The following SAMD5 variants were observed in gnomAD, a reference collection of about 807,000 sequenced individuals.
The protein encoded by SAMD5 is sterile alpha motif domain containing 5.
In SAMD5, 13 loss-of-function variants were observed where a neutral mutation model predicts 11.3. That is an observed-to-expected ratio of 1.15 (90% confidence interval 0.75 to 1.83). The LOEUF is 1.83. Among genes scored for constraint, SAMD5 ranks in the 40% most tolerant of loss-of-function variants. SAMD5 has a pLI of 0.00. For missense variants in SAMD5, 255 were observed against 239.1 expected, an observed-to-expected ratio of 1.07 and a Z score of -0.44; for synonymous variants, 129 against 111.3, an observed-to-expected ratio of 1.16 and a Z score of -1.00.
the SAMD5 span, among the ~76,000 whole-genome samples, chr6:147,786,262 A>T: frequency 6.6e-6 from 1 of 152,186 alleles, no homozygotes; most frequent in Non-Finnish European, 1.5e-5. Context: ...GTTTTGATGG[A>T]TTGCCTATGC....
the SAMD5 span, among the ~76,000 whole-genome samples, chr6:147,951,243 G>A: frequency 6.7e-6 from 1 of 150,262 alleles, no homozygotes; most frequent in Non-Finnish European, 1.5e-5. Context: ...GTGCAGTGGC[G>A]CGATCTCGGC....
At chr6:147,801,656 A>T in the SAMD5 span, among the ~76,000 whole-genome samples, 1 of 152,196 alleles carries the variant, frequency 6.6e-6, no homozygotes, top group Non-Finnish European at 1.5e-5. Flanking sequence ...TTAGAGAAGG[A>T]AAACTCCACA....
chr6:147,539,734 TTGAC>T (rs1207220075), intron 1 of SAMD5, among the ~76,000 whole-genome samples: 2 of 151,798 alleles, frequency 1.3e-5, no homozygotes, highest in East Asian at 1.9e-4. Flanking sequence ...AATAATTCAA[TTGAC>T]TGAGAAGAAA....
the SAMD5 span, among the ~76,000 whole-genome samples, chr6:147,787,326 T>C: frequency 6.6e-6 from 1 of 152,302 alleles, no homozygotes; most frequent in Admixed American, 6.5e-5. Flanking sequence ...GTCCTCAAAG[T>C]GTATTTCTCT....
chr6:147,868,506 G>T, the SAMD5 span, among the ~76,000 whole-genome samples: 11 of 152,034 alleles, frequency 7.2e-5, no homozygotes, highest in Non-Finnish European at 1.3e-4. Context: ...TCTTTTAAAT[G>T]CATTAAATTG....
the SAMD5 span, among the ~76,000 whole-genome samples, chr6:147,761,226 C>G: frequency 3.3e-5 from 5 of 152,156 alleles, no homozygotes; most frequent in Admixed American, 3.3e-4. Flanking sequence ...TTAATTTCCA[C>G]AAATCTGAAT....
intron 1 of SAMD5, among the ~76,000 whole-genome samples, chr6:147,640,579 G>A (rs1790298154): frequency 6.7e-6 from 1 of 149,630 alleles, no homozygotes; most frequent in Non-Finnish European, 1.5e-5. Context: ...GATTCAAGGA[G>A]GAAGCCTTAA....
rs1472747333 is a variant in SAMD5, at chr6:147,665,125, T to C, written c.163-72192T>C. 2.0e-5 allele frequency among the ~76,000 whole-genome samples: 3 copies of C among 152,244 alleles called. No individual in the cohort carries two copies. The East Asian group carries it at 5.8e-4, about 29-fold the overall frequency. ...AATGTTTTCATTGTATTTTCTACTG[T>C]ATTGCCTTTACTGTGTTTAGACTTA... On this transcript the variant is annotated intron_variant, in intron 1 of 1. Transcript: ENST00000566741.
chr6:147,939,246 G>A, the SAMD5 span, among the ~76,000 whole-genome samples: 34,427 of 152,076 alleles, frequency 0.23, 4,419 homozygotes, highest in African/African-American at 0.33. Context: ...GGCCCTGAAG[G>A]TCTCTGAACC....
chr6:147,628,677 A>G (rs1790094452), intron 1 of SAMD5, among the ~76,000 whole-genome samples: 1 of 152,168 alleles, frequency 6.6e-6, no homozygotes, highest in African/African-American at 2.4e-5. Flanking sequence ...AAAGATTATG[A>G]GGAAATATGA....
chr6:147,821,948 A>G, the SAMD5 span, among the ~76,000 whole-genome samples: 2 of 152,188 alleles, frequency 1.3e-5, no homozygotes, highest in Non-Finnish European at 2.9e-5. Flanking sequence ...TTCAGAATGA[A>G]GTAATAGAAA....
At chr6:147,777,585 A>G in the SAMD5 span, among the ~76,000 whole-genome samples, 29 of 152,200 alleles carry the variant, frequency 1.9e-4, no homozygotes, top group Non-Finnish European at 1.5e-5. Context: ...GGCATTAAGT[A>G]CATTCACAAT....
chr6:147,573,239 G>A (rs1223809057), downstream of SAMD5, among the ~76,000 whole-genome samples: 2 of 152,150 alleles, frequency 1.3e-5, no homozygotes, highest in African/African-American at 4.8e-5. Context: ...TACTACCTGA[G>A]ACTGGGTGAT....
At chr6:147,594,889 A>G (rs1028449457) in intron 1 of SAMD5, among the ~76,000 whole-genome samples, 3 of 152,230 alleles carry the variant, frequency 2.0e-5, no homozygotes, top group African/African-American at 4.8e-5. Flanking sequence ...AACTATTTGT[A>G]TATTCTTTCC....
chr6:147,607,197 T>C (rs900773502), intron 1 of SAMD5, among the ~76,000 whole-genome samples: 2 of 152,132 alleles, frequency 1.3e-5, no homozygotes, highest in Non-Finnish European at 2.9e-5. Context: ...ACCAAAAAAA[T>C]GGAAAAATAT....
chr6:147,721,907 A>T (rs905289581), intron 1 of SAMD5, among the ~76,000 whole-genome samples: 1 of 152,228 alleles, frequency 6.6e-6, no homozygotes, highest in Non-Finnish European at 1.5e-5. Context: ...CCATTAAAAA[A>T]CATATATGAA....
chr6:147,572,329 A>G (rs908154708), downstream of SAMD5, among the ~76,000 whole-genome samples: 1 of 152,184 alleles, frequency 6.6e-6, no homozygotes, highest in African/African-American at 2.4e-5. Context: ...TGATTTTGTT[A>G]TTATTCAGAT....
At chr6:147,874,800 A>C in the SAMD5 span, among the ~76,000 whole-genome samples, 1 of 151,878 alleles carries the variant, frequency 6.6e-6, no homozygotes, top group East Asian at 1.9e-4. Context: ...GATAATCAGC[A>C]TTGGTTTTAC....
intron 1 of SAMD5, among the ~76,000 whole-genome samples, chr6:147,562,603 A>C (rs1435185387): frequency 6.6e-6 from 1 of 152,116 alleles, no homozygotes; most frequent in Non-Finnish European, 1.5e-5. Flanking sequence ...CGGGTGGATC[A>C]CGAGGTCAGG....
Sources: gnomAD v4.1 joint callset for allele counts (sites outside exome capture counted in the v4.1 genomes callset) on GRCh38, gnomAD v4.1.1 for gene constraint, MANE v1.5 for transcripts, NCBI Gene and HGNC (gene_info 2026-07-23, HGNC 2026-07-21) for gene names.